Variants in DCHS2 observed in about 807,000 individuals in gnomAD.
DCHS2 encodes protocadherin-23.
Under a neutral mutation model 182.4 loss-of-function variants are expected in DCHS2, and 142 were observed. That is an observed-to-expected ratio of 0.78 (90% confidence interval 0.68 to 0.89). The LOEUF (loss-of-function observed/expected upper bound fraction) is 0.89, where lower values mean the gene tolerates loss of function less well. DCHS2 is among the 40% of genes least tolerant of loss of function. The pLI is 0.00. For missense variants in DCHS2, 4,319 were observed against 4,198.6 expected (o/e 1.03, Z -0.79); for synonymous variants, 1,740 against 1,663.3 (o/e 1.05, Z -1.12).
At chr4:154,357,659 A>G (rs1729938531) in intron 3 of DCHS2, among the ~76,000 whole-genome samples, 1 of 152,128 alleles carries the variant, frequency 6.6e-6, no homozygotes, top group South Asian at 2.1e-4. Flanking sequence ...TTTCTTGAAT[A>G]ATCCTGCCTT....
chr4:154,416,212 G>T (rs1732826077), intron 1 of DCHS2, among the ~76,000 whole-genome samples: 1 of 152,102 alleles, frequency 6.6e-6, no homozygotes, highest in African/African-American at 2.4e-5. Flanking sequence ...CAGGAAGAGA[G>T]CCCAGAGACG....
intron 1 of DCHS2, among the ~76,000 whole-genome samples, chr4:154,463,174 T>TATACACAC (rs141050042): frequency 1.3e-5 from 2 of 148,150 alleles, no homozygotes; most frequent in Non-Finnish European, 3.0e-5. Context: ...TATATATATA[T>TATACACAC]ACACACACAC....
intron 1 of DCHS2, among the ~76,000 whole-genome samples, chr4:154,432,080 C>T (rs1336228488): frequency 1.3e-5 from 2 of 152,166 alleles, no homozygotes; most frequent in East Asian, 3.8e-4. Flanking sequence ...TACTATCTCT[C>T]GACTATGGGA....
At chr4:154,331,634 C>A in intron 5 of DCHS2, 1 of 1,613,854 alleles carries the variant, frequency 6.2e-7, no homozygotes, top group South Asian at 1.1e-5. Context: ...TGAAGTTCAT[C>A]AGAACTGAAT....
chr4:154,396,362 A>C (rs913286345), intron 1 of DCHS2, among the ~76,000 whole-genome samples: 2 of 152,166 alleles, frequency 1.3e-5, no homozygotes, highest in African/African-American at 4.8e-5. Flanking sequence ...GGTTCTGCCC[A>C]GAAAAGAGAG....
intron 16 of DCHS2, among the ~76,000 whole-genome samples, chr4:154,243,059 A>G (rs1731903375): frequency 6.6e-6 from 1 of 152,182 alleles, no homozygotes; most frequent in Non-Finnish European, 1.5e-5. Context: ...GTAAAATTCA[A>G]TCCTGTCCTG....
intron 13 of DCHS2, among the ~76,000 whole-genome samples, chr4:154,271,831 T>G (rs1733611246): frequency 6.6e-6 from 1 of 152,184 alleles, no homozygotes; most frequent in South Asian, 2.1e-4. Context: ...CTTGAAAATA[T>G]ATACACTGTG....
At chr4:154,285,104 C>T (rs1290137631) in intron 13 of DCHS2, among the ~76,000 whole-genome samples, 2 of 151,974 alleles carry the variant, frequency 1.3e-5, no homozygotes, top group African/African-American at 4.8e-5. Context: ...AGCTCCCAGA[C>T]AACATTTCTA....
rs1243246083 is a variant in DCHS2, at chr4:154,490,538, C to T, written c.818G>A (p.Arg273Gln). The change falls in exon 1 of 20, where the codon CGA (arginine) becomes CAA (glutamine). Residue 273 changes from arginine (R) to glutamine (Q), a missense_variant. Transcript: ENST00000357232. Reference protein sequence around the residue: ...RLQIEAWDGGRPRRTGLLSVE... With the variant: ...RLQIEAWDGGQPRRTGLLSVE... ...GCTCAGGAGGCCGGTGCGCCGGGGT[C>T]GGCCGCCGTCCCATGCCTCGATCTG... The T allele has an allele frequency of 3.9e-6, 6 of 1,538,890 alleles. No individual in the cohort carries two copies. Among genetic ancestry groups the T allele is most frequent in the African/African-American group, 1.4e-5 (1 of 73,008 alleles).
chr4:154,302,618 C>T (rs1289295242), intron 12 of DCHS2, among the ~76,000 whole-genome samples: 1 of 151,894 alleles, frequency 6.6e-6, no homozygotes, highest in Non-Finnish European at 1.5e-5. Context: ...ATGCTCTCTG[C>T]TCCTGGAAAG....
chr4:154,404,463 A>ATG (rs1732317351), intron 1 of DCHS2, among the ~76,000 whole-genome samples: 1 of 152,196 alleles, frequency 6.6e-6, no homozygotes, highest in African/African-American at 2.4e-5. Flanking sequence ...TGAACATTCT[A>ATG]TGTGTACTTG....
At chr4:154,360,501 A>G (rs1465443921) in intron 3 of DCHS2, among the ~76,000 whole-genome samples, 1 of 152,104 alleles carries the variant, frequency 6.6e-6, no homozygotes, top group Non-Finnish European at 1.5e-5. Flanking sequence ...TGTCTTGCAA[A>G]TAAGAGAAAG....
chr4:154,305,298 T>C, intron 10 of DCHS2, 67 bp from the exon 11 acceptor site: 1 of 1,523,542 alleles, frequency 6.6e-7, no homozygotes, highest in Non-Finnish European at 8.8e-7. Context: ...ACTTTCCTAT[T>C]TCTTTTCCTT....
Position 154,322,493 on chromosome 4 carries a change from A to T in DCHS2, c.4019-5T>A. 1 of 1,587,798 alleles carries T rather than the reference A, an allele frequency of 6.3e-7. No homozygotes were observed. The highest frequency in any genetic ancestry group is 8.6e-7 in the Non-Finnish European group (1 of 1,169,148). On this transcript the variant is annotated splice_region_variant and splice_polypyrimidine_tract_variant and intron_variant, in intron 7 of 19. Transcript: ENST00000357232. The stretch of plus-strand genomic sequence containing the variant: ...TAAAGTGATCAGAACTATCTTCTAC[A>T]CACACAAGAAAATTAAGAAATGAAT...
intron 1 of DCHS2, among the ~76,000 whole-genome samples, chr4:154,456,151 T>C (rs561665705): frequency 1.3e-5 from 2 of 152,038 alleles, no homozygotes; most frequent in Non-Finnish European, 2.9e-5. Flanking sequence ...TCTGTATATA[T>C]AGTATATAGG....
intron 1 of DCHS2, among the ~76,000 whole-genome samples, chr4:154,388,137 T>C (rs1487865990): frequency 2.0e-5 from 3 of 152,070 alleles, no homozygotes; most frequent in Admixed American, 2.0e-4. Context: ...AGAATATACA[T>C]AGAAAGATAT....
chr4:154,472,011 T>A (rs1431913103), intron 1 of DCHS2, among the ~76,000 whole-genome samples: 1 of 139,492 alleles, frequency 7.2e-6, no homozygotes, highest in Non-Finnish European at 1.6e-5. Flanking sequence ...TCATGTCCTG[T>A]TAGTCTCTAA....
intron 1 of DCHS2, among the ~76,000 whole-genome samples, chr4:154,386,267 C>T (rs1244542606): frequency 6.6e-6 from 1 of 152,166 alleles, no homozygotes; most frequent in Non-Finnish European, 1.5e-5. Flanking sequence ...CACTCCTGTC[C>T]GACTCTTTCA....
intron 1 of DCHS2, among the ~76,000 whole-genome samples, chr4:154,441,587 T>C (rs1465711746): frequency 6.6e-6 from 1 of 150,826 alleles, no homozygotes; most frequent in Non-Finnish European, 1.5e-5. Context: ...ATTTTCATTG[T>C]GAAAACTCCT....
Sources: gnomAD v4.1 joint callset for allele counts (sites outside exome capture counted in the v4.1 genomes callset) on GRCh38, gnomAD v4.1.1 for gene constraint, MANE v1.5 for transcripts, NCBI Gene and HGNC (gene_info 2026-07-23, HGNC 2026-07-21) for gene names.